NEK11: variants seen among roughly 807,000 people sequenced by gnomAD.
NEK11 encodes the protein serine/threonine-protein kinase Nek11.
In NEK11, 72 loss-of-function variants were observed where a neutral mutation model predicts 80.7. That is an observed-to-expected ratio of 0.89 (90% CI 0.74 to 1.08). NEK11 has a LOEUF of 1.08. Ranked by LOEUF, NEK11 falls within the 50% of genes least tolerant of loss-of-function variation. The pLI is 0.00. For synonymous variants in NEK11, 251 were observed against 260.7 expected, an observed-to-expected ratio of 0.96 and a Z score of 0.36; for missense variants, 764 against 763.6, an observed-to-expected ratio of 1.00 and a Z score of -0.01.
At chr3:131,180,028 C>T (rs1236833532) in intron 14 of NEK11, among the ~76,000 whole-genome samples, 1 of 152,140 alleles carries the variant, frequency 6.6e-6, no homozygotes, top group African/African-American at 2.4e-5. Flanking sequence ...GGCAGATATT[C>T]CCTGTGCAGT....
chr3:131,109,733 CTGT>C, intron 4 of NEK11, 67 bp from the exon 5 acceptor site: 6 of 1,453,184 alleles, frequency 4.1e-6, no homozygotes, highest in Non-Finnish European at 5.5e-6. Flanking sequence ...TATGTATTAA[CTGT>C]TGTTAAGTGA....
chr3:131,133,951 C>A lies in NEK11; in HGVS notation c.642C>A (p.Asp214Glu). Residue 214 changes from aspartate to glutamate, a missense_variant, in exon 7 of 18, where the codon GAC becomes GAA. Physicochemically the swap from Asp to Glu is conservative, Grantham distance 45. Coordinates refer to ENST00000383366, the MANE Select transcript of NEK11 (RefSeq NM_024800.5). ...ACCAAGGCTATGACACAAAGTCGGA[C>A]ATCTGGTGAGTGGGCTAGTGGGCTA... ...LKHQGYDTKS[D>E]IWSLACILYE... 1 of 1,608,134 alleles carries A rather than the reference C, an allele frequency of 6.2e-7. No individual in the cohort carries two copies. Among genetic ancestry groups the A allele is most frequent in the Non-Finnish European group, 8.5e-7 (1 of 1,176,940 alleles).
At chr3:131,131,436 T>A (rs1437844043) in intron 5 of NEK11, among the ~76,000 whole-genome samples, 1 of 152,180 alleles carries the variant, frequency 6.6e-6, no homozygotes, top group East Asian at 1.9e-4. Flanking sequence ...ACTTCTTGTA[T>A]GATTTTTGGC....
rs142277329 is a variant in NEK11, at chr3:131,130,765, G to T, written c.456-1980G>T. 2.0e-5 allele frequency among the ~76,000 whole-genome samples: 3 copies of T among 152,080 alleles called. No individual in the cohort carries two copies. In the South Asian group the frequency reaches 6.2e-4, roughly 31 times the overall value. On this transcript the variant is annotated intron_variant, in intron 5 of 17. Transcript: ENST00000383366. ...TGCATACCTAGTATAAATCCCACTT[G>T]GTTGTGGTGTATAATTCTCCTGACA...
At chr3:131,132,842 G>A (rs6772241) in intron 6 of NEK11, 33 bp downstream of exon 6, 172,833 of 981,016 alleles carry the variant, frequency 0.18, 17,202 homozygotes, top group African/African-American at 0.35. Flanking sequence ...TTCCAAAAAC[G>A]CAGAACAGTA....
intron 7 of NEK11, among the ~76,000 whole-genome samples, chr3:131,135,823 T>C (rs867847659): frequency 5.3e-5 from 8 of 152,228 alleles, no homozygotes; most frequent in African/African-American, 1.7e-4. Flanking sequence ...TGGAATTATA[T>C]GTAACAAACC....
chr3:131,129,303 C>T (rs1167333495), intron 5 of NEK11, among the ~76,000 whole-genome samples: 5 of 152,178 alleles, frequency 3.3e-5, no homozygotes, highest in African/African-American at 4.8e-5. Context: ...ATCTGCCTGC[C>T]TCAGCCTCCC....
At chr3:131,211,565 T>A (rs1487123519) in intron 14 of NEK11, among the ~76,000 whole-genome samples, 8 of 152,252 alleles carry the variant, frequency 5.3e-5, no homozygotes, top group African/African-American at 1.9e-4. Flanking sequence ...CAGAGTGTTT[T>A]CCAACTTGGT....
intron 10 of NEK11, among the ~76,000 whole-genome samples, chr3:131,156,644 A>T (rs1441110576): frequency 6.6e-6 from 1 of 152,160 alleles, no homozygotes; most frequent in Non-Finnish European, 1.5e-5. Context: ...CAGATTAATA[A>T]CACTCTCTCA....
intron 17 of NEK11, among the ~76,000 whole-genome samples, chr3:131,300,422 AC>A (rs1308879516): frequency 6.6e-6 from 1 of 152,018 alleles, no homozygotes; most frequent in Non-Finnish European, 1.5e-5. Context: ...TATTGCAATT[AC>A]TTTTGTCATC....
chr3:131,082,574 C>T (rs1489989933), intron 4 of NEK11, among the ~76,000 whole-genome samples: 3 of 152,136 alleles, frequency 2.0e-5, no homozygotes, highest in African/African-American at 7.2e-5. Context: ...AGTTGAGGGC[C>T]TGGATGTTAA....
Position 131,237,893 on chromosome 3 carries a change from G to A in NEK11, c.1561-5543G>A, listed in dbSNP as rs956208235. On this transcript the variant is annotated intron_variant, in intron 15 of 17. Coordinates refer to ENST00000383366, the MANE Select transcript of NEK11 (RefSeq NM_024800.5). ...TACTTACTACCTGCATTCCTACTGCGAAAGCCATCATCACCTTGTCGTAGC... is the reference window on the plus strand; with the variant it reads ...TACTTACTACCTGCATTCCTACTGCAAAAGCCATCATCACCTTGTCGTAGC... Among the ~76,000 whole-genome samples the A allele has an allele frequency of 5.3e-5, 8 of 152,194 alleles. No individual in the cohort carries two copies. The East Asian group carries it at 5.8e-4, about 11-fold the overall frequency.
At chr3:131,293,333 CTATTT>C (rs766827500) in intron 17 of NEK11, among the ~76,000 whole-genome samples, 9 of 152,096 alleles carry the variant, frequency 5.9e-5, no homozygotes, top group Non-Finnish European at 1.2e-4. Context: ...TTGTTTGTGT[CTATTT>C]ATATGATCAT....
intron 4 of NEK11, among the ~76,000 whole-genome samples, chr3:131,086,106 A>G (rs2075951378): frequency 6.6e-6 from 1 of 152,168 alleles, no homozygotes. Context: ...TACCAGCTGT[A>G]TCTTATTACT....
chr3:131,272,233 A>G lies in NEK11; in HGVS notation c.1622-1245A>G, dbSNP rs576127858. On this transcript the variant is annotated intron_variant, in intron 16 of 17. Transcript: ENST00000383366. ...GAGAAAAGAATGGGAATTTCATAACATGAGTCTCTTCTCTCTGACATAGCA... is the reference window on the plus strand; with the variant it reads ...GAGAAAAGAATGGGAATTTCATAACGTGAGTCTCTTCTCTCTGACATAGCA... Among the ~76,000 whole-genome samples, 5 of 152,314 alleles carry G rather than the reference A, an allele frequency of 3.3e-5. No homozygotes were observed. In the East Asian group the frequency reaches 9.6e-4, roughly 29 times the overall value.
intron 14 of NEK11, among the ~76,000 whole-genome samples, chr3:131,220,611 C>T (rs1385759549): frequency 1.3e-5 from 2 of 152,228 alleles, no homozygotes; most frequent in African/African-American, 4.8e-5. Flanking sequence ...AGCCATTACC[C>T]TCTTCAGAAA....
intron 9 of NEK11, among the ~76,000 whole-genome samples, chr3:131,153,886 TA>T (rs2090157814): frequency 6.6e-6 from 1 of 151,838 alleles, no homozygotes; most frequent in African/African-American, 2.4e-5. Flanking sequence ...ACTGTAAAAA[TA>T]AGGGAGAAAG....
chr3:131,054,298 C>G (rs148642050), intron 3 of NEK11, among the ~76,000 whole-genome samples: 2 of 151,932 alleles, frequency 1.3e-5, no homozygotes, highest in African/African-American at 4.8e-5. Context: ...GCCATTCTGG[C>G]CTGGGTGACA....
chr3:131,296,027 G>C (rs2096589188), intron 17 of NEK11, among the ~76,000 whole-genome samples: 1 of 152,042 alleles, frequency 6.6e-6, no homozygotes, highest in Non-Finnish European at 1.5e-5. Flanking sequence ...TTTTTGTAGA[G>C]ATAGGGTTTC....
Sources: allele counts gnomAD v4.1 joint callset (sites outside exome capture counted in the v4.1 genomes callset), GRCh38; gene constraint gnomAD v4.1.1; transcripts MANE v1.5; gene names NCBI Gene and HGNC (gene_info 2026-07-23, HGNC 2026-07-21).